The following CLASP2 variants were observed in gnomAD, a reference collection of about 807,000 sequenced individuals.
CLASP2 encodes the protein cytoplasmic linker associated protein 2.
A neutral mutation model predicts 194.4 loss-of-function variants in CLASP2; 47 were observed. The ratio of observed to expected loss-of-function variants is 0.24; its 90% CI spans 0.19 to 0.31. The LOEUF (loss-of-function observed/expected upper bound fraction) is 0.31, where lower values mean the gene tolerates loss of function less well. CLASP2 is among the 10% of genes least tolerant of loss of function. The pLI is 1.00. For missense variants in CLASP2, 1,445 were observed against 1,823.6 expected (o/e 0.79, Z 3.78); for synonymous variants, 619 against 633.5 (o/e 0.98, Z 0.34).
chr3:33,708,186 G>C (rs772556968), intron 1 of CLASP2, among the ~76,000 whole-genome samples: 3 of 151,834 alleles, frequency 2.0e-5, no homozygotes, highest in Non-Finnish European at 4.4e-5. Context: ...ATAACAGAAA[G>C]CATGTACCCT....
Position 33,496,861 on chromosome 3 carries a change from C to T in CLASP2, c.*1770G>A, listed in dbSNP as rs2045855694. Reference sequence around the variant, plus strand: ...TATACCTTTGATTGTGGTAGCTACACCTGAAAAATCTTTTCTCCTCAGATG... The same window carrying T: ...TATACCTTTGATTGTGGTAGCTACATCTGAAAAATCTTTTCTCCTCAGATG... On this transcript the variant is annotated 3_prime_UTR_variant, in exon 39 of 39. Transcript: ENST00000682230. 1 of 152,316 alleles carries T rather than the reference C, an allele frequency of 6.6e-6. No individual in the cohort carries two copies. The highest frequency in any genetic ancestry group is 1.5e-5 in the Non-Finnish European group (1 of 68,000). The allele number at this position is 152,316 out of a possible 1,614,324, so 9.4% of individuals were successfully genotyped here. A position where few individuals can be genotyped will look rare whatever the true frequency, so the allele number is the denominator to read the frequency against.
intron 37 of CLASP2, among the ~76,000 whole-genome samples, chr3:33,506,728 A>G (rs969429986): frequency 2.6e-5 from 4 of 152,108 alleles, no homozygotes; most frequent in Non-Finnish European, 5.9e-5. Context: ...TCCTAGCATC[A>G]CATTTATTAA....
At chr3:33,696,514 G>A (rs1288201590) in intron 2 of CLASP2, among the ~76,000 whole-genome samples, 1 of 147,312 alleles carries the variant, frequency 6.8e-6, no homozygotes, top group African/African-American at 2.5e-5. Flanking sequence ...CACCCAGGCT[G>A]GAGTGCAGTG....
chr3:33,603,367 T>C (rs556007916), intron 17 of CLASP2, among the ~76,000 whole-genome samples: 11 of 152,268 alleles, frequency 7.2e-5, no homozygotes. Flanking sequence ...ATGGGAAAAA[T>C]GGTGACATTG....
rs186275687 is a variant in CLASP2, at chr3:33,560,454, G to A, written c.2930+354C>T. 3.7e-3 allele frequency among the ~76,000 whole-genome samples: 567 copies of A among 152,078 alleles called. 2 individuals carry two copies. The highest frequency in any genetic ancestry group is 0.013 in the African/African-American group (539 of 41,498). ...GATATGGTTTCACCATGTTGACCAG[G>A]CTGGTCTCGAACTCCTGACCTCAAG... On this transcript the variant is annotated intron_variant, in intron 28 of 38. Transcript: ENST00000682230.
At chr3:33,603,686 G>A (rs531296082) in intron 17 of CLASP2, among the ~76,000 whole-genome samples, 4 of 152,116 alleles carry the variant, frequency 2.6e-5, no homozygotes, top group South Asian at 2.1e-4. Context: ...GCAGTGGCGC[G>A]ATCTCGACTC....
chr3:33,654,470 G>A (rs1398206157), intron 7 of CLASP2, among the ~76,000 whole-genome samples: 2 of 152,024 alleles, frequency 1.3e-5, no homozygotes, highest in East Asian at 1.9e-4. Context: ...ACTTGAAAGC[G>A]AAGACAAAAC....
intron 18 of CLASP2, among the ~76,000 whole-genome samples, chr3:33,599,351 G>A (rs545002109): frequency 3.9e-5 from 6 of 152,072 alleles, no homozygotes; most frequent in Non-Finnish European, 8.8e-5. Flanking sequence ...TCAAATTCCT[G>A]AGCTCAAGCA....
intron 20 of CLASP2, among the ~76,000 whole-genome samples, chr3:33,593,426 A>G (rs2069329792): frequency 6.6e-6 from 1 of 152,240 alleles, no homozygotes; most frequent in Admixed American, 6.5e-5. Flanking sequence ...TACATGAAAT[A>G]CTGGCTAGCC....
intron 37 of CLASP2, among the ~76,000 whole-genome samples, chr3:33,507,547 T>C (rs376997234): frequency 5.0e-4 from 76 of 152,274 alleles, no homozygotes; most frequent in African/African-American, 1.7e-3. Context: ...AGTGGTATGA[T>C]TGTGGCTCAC....
intron 12 of CLASP2, 89 bp downstream of exon 12, chr3:33,619,513 TG>T: frequency 1.0e-6 from 1 of 986,626 alleles, no homozygotes; most frequent in Non-Finnish European, 1.3e-6. Flanking sequence ...GAGAGAGGGG[TG>T]GGGTGGGGAA....
At chr3:33,667,795 G>A (rs531768656) in intron 6 of CLASP2, among the ~76,000 whole-genome samples, 1 of 152,122 alleles carries the variant, frequency 6.6e-6, no homozygotes, top group Non-Finnish European at 1.5e-5. Context: ...AAAATCAACA[G>A]ACCAAAAATA....
chr3:33,712,609 G>T (rs1196776299), intron 1 of CLASP2, among the ~76,000 whole-genome samples: 1 of 152,072 alleles, frequency 6.6e-6, no homozygotes, highest in Non-Finnish European at 1.5e-5. Context: ...CAAGTTCAAA[G>T]AAATGAGGTT....
chr3:33,567,917 T>C (rs781264845), intron 26 of CLASP2, among the ~76,000 whole-genome samples: 10 of 152,212 alleles, frequency 6.6e-5, no homozygotes, highest in Admixed American at 5.2e-4. Flanking sequence ...CAATATGTGT[T>C]GTACTGCTTC....
At chr3:33,671,646 T>G (rs2087242311) in intron 6 of CLASP2, among the ~76,000 whole-genome samples, 1 of 152,244 alleles carries the variant, frequency 6.6e-6, no homozygotes, top group Admixed American at 6.5e-5. Context: ...AGGCATTGCC[T>G]CACTTGGGAA....
intron 10 of CLASP2, 132 bp from the exon 11 acceptor site, chr3:33,622,412 T>C (rs2077257524): frequency 1.8e-6 from 1 of 557,300 alleles, no homozygotes; most frequent in Non-Finnish European, 2.8e-6. Flanking sequence ...CATTACTATA[T>C]TCAGACATCT....
intron 10 of CLASP2, among the ~76,000 whole-genome samples, chr3:33,624,789 C>G (rs2077710506): frequency 6.6e-6 from 1 of 151,942 alleles, no homozygotes; most frequent in South Asian, 2.1e-4. Flanking sequence ...AAACTGAAAC[C>G]ATAGATAAGG....
chr3:33,520,874 C>A (rs778074742), intron 34 of CLASP2, among the ~76,000 whole-genome samples: 3 of 151,056 alleles, frequency 2.0e-5, no homozygotes, highest in Non-Finnish European at 4.4e-5. Flanking sequence ...CTCCCTAGCT[C>A]TGCCCACTGA....
chr3:33,531,325 T>C (rs1431878329), intron 34 of CLASP2, among the ~76,000 whole-genome samples: 1 of 152,110 alleles, frequency 6.6e-6, no homozygotes, highest in Non-Finnish European at 1.5e-5. Flanking sequence ...ATCCAGAATA[T>C]ACAGAGAACT....
Sources: allele counts gnomAD v4.1 joint callset (sites outside exome capture counted in the v4.1 genomes callset), GRCh38; gene constraint gnomAD v4.1.1; transcripts MANE v1.5; gene names NCBI Gene and HGNC (gene_info 2026-07-23, HGNC 2026-07-21).